The following PGR variants were observed in gnomAD, a reference collection of about 807,000 sequenced individuals.
PGR encodes nuclear receptor subfamily 3 group C member 3.
In PGR, 25 loss-of-function variants were observed where a neutral mutation model predicts 76.1. The ratio of observed to expected loss-of-function variants is 0.33; its 90% CI spans 0.24 to 0.46. The LOEUF is 0.46. Among genes scored for constraint, PGR ranks in the 20% least tolerant of loss-of-function variants. PGR has a pLI of 1.00. For synonymous variants in PGR, 579 were observed against 535.0 expected (o/e 1.08, Z -1.14); for missense variants, 1,172 against 1,225.3 (o/e 0.96, Z 0.65).
rs112820631 is a variant in PGR at position 101,084,615 on chromosome 11, G to A, written c.1906+7145C>T. Among the ~76,000 whole-genome samples the A allele has an allele frequency of 8.2e-3, 724 of 88,264 alleles. 12 individuals are homozygous for A. Among genetic ancestry groups the A allele is most frequent in the African/African-American group, 0.019 (660 of 34,826 alleles). The allele number at this position is 88,264 out of a possible 152,430, so 57.9% of individuals were successfully genotyped here. On this transcript the variant is annotated intron_variant, in intron 3 of 7. Coordinates refer to ENST00000325455, the MANE Select transcript of PGR (RefSeq NM_000926.4). The stretch of plus-strand genomic sequence containing the variant: ...GGAGGTTGCAGTGAGCTGAGATTGC[G>A]CCACTGCACTCCAGCCTGGGCATCA...
chr11:101,129,198 G>T lies in PGR; in HGVS notation c.-128C>A. The T allele has an allele frequency of 5.2e-6, 1 of 191,754 alleles. No individual in the cohort carries two copies. The highest frequency in any genetic ancestry group is 9.7e-6 in the Non-Finnish European group (1 of 102,706). The allele number at this position is 191,754 out of a possible 1,614,324, so 11.9% of individuals were successfully genotyped here. On this transcript the variant is annotated 5_prime_UTR_variant, in exon 1 of 8. Transcript: ENST00000325455. ...GTGTTGAATGTGGCTGGACCGGAGGGATCTCCACCTCCTGGGTCGGGGGCG... is the reference window on the plus strand; with the variant it reads ...GTGTTGAATGTGGCTGGACCGGAGGTATCTCCACCTCCTGGGTCGGGGGCG...
At chr11:101,065,932 A>G (rs903294963) in intron 3 of PGR, among the ~76,000 whole-genome samples, 7 of 152,126 alleles carry the variant, frequency 4.6e-5, no homozygotes, top group African/African-American at 1.7e-4. Context: ...CATTTGGAGA[A>G]TATTTTCTTT....
In PGR at chr11:101,114,034, T is replaced by C. The variant is rs375789340; in HGVS notation, c.1789+11973A>G. ...TGCTCTGCTTAAAGAAGATAAACCA[T>C]TGTGGTCTCCACTGTTAATTACAAA... On this transcript the variant is annotated intron_variant, in intron 2 of 7. Coordinates refer to ENST00000325455, the MANE Select transcript of PGR (RefSeq NM_000926.4). 1.3e-4 allele frequency among the ~76,000 whole-genome samples: 20 copies of C among 152,332 alleles called. No individual in the cohort carries two copies. In the South Asian group the frequency reaches 1.9e-3, roughly 14 times the overall value.
intron 2 of PGR, among the ~76,000 whole-genome samples, chr11:101,101,262 A>C (rs1490011610): frequency 6.6e-6 from 1 of 152,208 alleles, no homozygotes; most frequent in Non-Finnish European, 1.5e-5. Context: ...TATTTTAAAA[A>C]ACATGAGTAC....
chr11:101,033,372 A>G lies in PGR; in HGVS notation c.*5744T>C, dbSNP rs1439434889. On this transcript the variant is annotated 3_prime_UTR_variant, in exon 8 of 8. Transcript: ENST00000325455. ...ATACCTTTTTTGGTTATTCTCATGA[A>G]TTTTAAAGCCCTTAGAAAAAGATAA... 2 of 196,882 alleles carry G rather than the reference A, an allele frequency of 1.0e-5. No individual in the cohort carries two copies. Among genetic ancestry groups the G allele is most frequent in the Non-Finnish European group, 2.1e-5 (2 of 94,918 alleles). 12.2% of individuals were successfully genotyped at this position (196,882 alleles called of 1,614,324 possible). A position where few individuals can be genotyped will look rare whatever the true frequency, so the allele number is the denominator to read the frequency against.
chr11:101,061,523 C>A (rs1860497237), intron 4 of PGR, among the ~76,000 whole-genome samples: 1 of 152,008 alleles, frequency 6.6e-6, no homozygotes, highest in African/African-American at 2.4e-5. Flanking sequence ...GGAAGAAATT[C>A]TTTTTCTAAA....
intron 2 of PGR, among the ~76,000 whole-genome samples, chr11:101,097,778 CTTTT>C (rs145454653): frequency 3.1e-5 from 4 of 129,776 alleles, no homozygotes; most frequent in Admixed American, 7.9e-5. Flanking sequence ...AAGTGTTACT[CTTTT>C]TTTTTTTTTT....
At chr11:101,052,645 A>C (rs528878937) in intron 4 of PGR, among the ~76,000 whole-genome samples, 1 of 152,206 alleles carries the variant, frequency 6.6e-6, no homozygotes, top group East Asian at 1.9e-4. Context: ...GATTCAAGGG[A>C]ATAAGTCTGG....
At position 101,126,113 on chromosome 11, in the gene PGR, T is replaced by C. The variant is rs758752140; in HGVS notation, c.1683A>G (p.Ser561=). 23 of 1,613,994 alleles carry C rather than the reference T, an allele frequency of 1.4e-5. No individual in the cohort carries two copies. The highest frequency in any genetic ancestry group is 1.9e-5 in the Non-Finnish European group (23 of 1,179,964). ...AGATTAAACAAATCTTCTGAGGTAA[T>C]GACTCGAAGCTGTATTGTGGGCTCT... is the stretch of plus-strand genomic sequence containing the variant. ...ASQSPQYSFE[S]LPQKICLICG... Residue 561 remains serine (S), a synonymous_variant, in exon 2 of 8, where the codon TCA becomes TCG. Transcript: ENST00000325455.
At position 101,062,643 on chromosome 11, in the gene PGR, T is replaced by C. The variant is rs1387224316; in HGVS notation, c.2016A>G (p.Arg672=). ...TGTCTTGACCTGGTGAAAAAGTGAA[T>C]CTCTGGCTTAGGGCTTGGCTTTCAT... is the stretch of plus-strand genomic sequence containing the variant. ...VPNESQALSQ[R]FTFSPGQDIQ... Residue 672 remains arginine (R), a synonymous_variant, in exon 4 of 8, where the codon AGA becomes AGG. Coordinates refer to ENST00000325455, the MANE Select transcript of PGR (RefSeq NM_000926.4). The C allele has an allele frequency of 2.5e-5, 41 of 1,614,000 alleles. No individual in the cohort carries two copies. The highest frequency in any genetic ancestry group is 3.4e-5 in the Non-Finnish European group (40 of 1,179,942).
rs1425231944 is a variant in PGR at position 101,032,358 on chromosome 11, G to A, written c.*6758C>T. ...AACTTTATTCTCCATATTCCAGTGG[G>A]AGTCTTCTAAAATATTCATATGAAT... On this transcript the variant is annotated 3_prime_UTR_variant, in exon 8 of 8. Transcript: ENST00000325455. 2 of 232,614 alleles carry A rather than the reference G, an allele frequency of 8.6e-6. No individual in the cohort carries two copies. Among genetic ancestry groups the A allele is most frequent in the Non-Finnish European group, 1.7e-5 (2 of 117,786 alleles). 14.4% of individuals were successfully genotyped at this position (232,614 alleles called of 1,614,324 possible). A position where few individuals can be genotyped will look rare whatever the true frequency, so the allele number is the denominator to read the frequency against.
chr11:101,077,210 T>G (rs1861158050), intron 3 of PGR, among the ~76,000 whole-genome samples: 1 of 152,136 alleles, frequency 6.6e-6, no homozygotes, highest in Non-Finnish European at 1.5e-5. Flanking sequence ...TATAAAATTA[T>G]GGAAGGATGT....
intron 6 of PGR, among the ~76,000 whole-genome samples, chr11:101,044,831 T>G (rs1859811492): frequency 6.6e-6 from 1 of 151,260 alleles, no homozygotes; most frequent in Non-Finnish European, 1.5e-5. Flanking sequence ...CTCAGCCTCC[T>G]GAGTAGCTAG....
intron 3 of PGR, among the ~76,000 whole-genome samples, chr11:101,075,752 T>G (rs1861103648): frequency 6.6e-6 from 1 of 151,734 alleles, no homozygotes; most frequent in Admixed American, 6.6e-5. Flanking sequence ...GAAATGCAAA[T>G]CAATACCACA....
In PGR at chr11:101,035,097, C is replaced by T. The variant is rs1341663610; in HGVS notation, c.*4019G>A. On this transcript the variant is annotated 3_prime_UTR_variant, in exon 8 of 8. Transcript: ENST00000325455. ...TTTTAAGAGATGTAGAAATTTCCCA[C>T]ATCCAATGGCTATTGAACAGGCATA... is the stretch of plus-strand genomic sequence containing the variant. The T allele has an allele frequency of 9.6e-6, 2 of 208,408 alleles. No homozygotes were observed. The highest frequency in any genetic ancestry group is 2.0e-5 in the Non-Finnish European group (2 of 102,416). The allele number at this position is 208,408 out of a possible 1,614,324, so 12.9% of individuals were successfully genotyped here. A position where few individuals can be genotyped will look rare whatever the true frequency, so the allele number is the denominator to read the frequency against.
At chr11:101,115,498 G>A (rs537815391) in intron 2 of PGR, among the ~76,000 whole-genome samples, 9 of 152,100 alleles carry the variant, frequency 5.9e-5, no homozygotes, top group Non-Finnish European at 4.4e-5. Flanking sequence ...TAGGCTGGGC[G>A]CTGTTGCTCA....
Position 101,041,721 on chromosome 11 carries a change from T to A in PGR, c.2646+224A>T, listed in dbSNP as rs575618344. The stretch of plus-strand genomic sequence containing the variant: ...CCATAATTTCTATCAGCTATTAAAT[T>A]ACCCTCACATTATACAAATACTTGT... On this transcript the variant is annotated intron_variant, in intron 7 of 7. Coordinates refer to ENST00000325455, the MANE Select transcript of PGR (RefSeq NM_000926.4). The A allele has an allele frequency of 3.9e-5, 20 of 507,316 alleles. No individual in the cohort carries two copies. The East Asian group carries it at 6.5e-4, about 17-fold the overall frequency. The allele number at this position is 507,316 out of a possible 1,614,324, so 31.4% of individuals were successfully genotyped here.
intron 7 of PGR, among the ~76,000 whole-genome samples, chr11:101,039,885 CTT>C (rs1315592807): frequency 5.3e-5 from 8 of 151,934 alleles, no homozygotes; most frequent in African/African-American, 1.9e-4. Flanking sequence ...TAGCCTGTGT[CTT>C]TTGATATTTC....
intron 2 of PGR, among the ~76,000 whole-genome samples, chr11:101,101,203 T>C (rs975258774): frequency 2.6e-5 from 4 of 151,982 alleles, no homozygotes; most frequent in Admixed American, 2.0e-4. Flanking sequence ...TTAAAACCAC[T>C]TGAACATCAA....
Sources: gnomAD v4.1 joint callset for allele counts (sites outside exome capture counted in the v4.1 genomes callset) on GRCh38, gnomAD v4.1.1 for gene constraint, MANE v1.5 for transcripts, NCBI Gene and HGNC (gene_info 2026-07-23, HGNC 2026-07-21) for gene names.